Variants in DOCK10 observed in about 807,000 individuals in gnomAD.
DOCK10 encodes the protein dedicator of cytokinesis protein 10.
In DOCK10, 145 loss-of-function variants were observed where a neutral mutation model predicts 280.1. The ratio of observed to expected loss-of-function variants is 0.52; its 90% CI spans 0.45 to 0.59. DOCK10 has a LOEUF of 0.59. DOCK10 is among the 20% of genes least tolerant of loss of function. The pLI is 0.00. For missense variants in DOCK10, 2,368 were observed against 2,651.7 expected, an observed-to-expected ratio of 0.89 and a Z score of 2.35; for synonymous variants, 915 against 942.2, an observed-to-expected ratio of 0.97 and a Z score of 0.53.
intron 27 of DOCK10, among the ~76,000 whole-genome samples, chr2:224,825,973 A>T (rs1426472461): frequency 6.6e-6 from 1 of 152,236 alleles, no homozygotes; most frequent in Admixed American, 6.5e-5. Flanking sequence ...GGATGATGGG[A>T]AACAAAAGGT....
At chr2:224,925,538 T>C (rs1262736538) in intron 2 of DOCK10, among the ~76,000 whole-genome samples, 1 of 152,250 alleles carries the variant, frequency 6.6e-6, no homozygotes, top group Non-Finnish European at 1.5e-5. Flanking sequence ...TGCCCGGTGT[T>C]GAAAGTCTAA....
chr2:224,984,753 G>C (rs1705918753), intron 1 of DOCK10, among the ~76,000 whole-genome samples: 1 of 152,004 alleles, frequency 6.6e-6, no homozygotes, highest in Admixed American at 6.6e-5. Context: ...GTTTTACATA[G>C]CAAATTAAGC....
rs575745849 is a variant in DOCK10, at chr2:224,767,330, A to T, written c.6445-1493T>A. 2.0e-5 allele frequency among the ~76,000 whole-genome samples: 3 copies of T among 152,144 alleles called. No homozygotes were observed. The East Asian group carries it at 5.8e-4, about 29-fold the overall frequency. ...AGGCACCTGCCATTACAGCCAGCTAATTTTTGTATTTTTAGTAGAGATGGG... is the reference window on the plus strand; with the variant it reads ...AGGCACCTGCCATTACAGCCAGCTATTTTTTGTATTTTTAGTAGAGATGGG... On this transcript the variant is annotated intron_variant, in intron 55 of 55. Coordinates refer to ENST00000258390, the MANE Select transcript of DOCK10 (RefSeq NM_014689.3).
At chr2:224,814,391 A>G (rs1341488273) in intron 30 of DOCK10, 27 bp from the exon 31 acceptor site, 16 of 1,345,966 alleles carry the variant, frequency 1.2e-5, no homozygotes, top group Non-Finnish European at 1.6e-5. Context: ...TAAAAAGTTC[A>G]GATATATACA....
At chr2:224,864,302 G>A (rs1186766767) in intron 13 of DOCK10, among the ~76,000 whole-genome samples, 1 of 152,130 alleles carries the variant, frequency 6.6e-6, no homozygotes, top group African/African-American at 2.4e-5. Flanking sequence ...GAAGTCAGGA[G>A]TTCGAGACCA....
chr2:224,923,438 G>A (rs1701878949), intron 2 of DOCK10, among the ~76,000 whole-genome samples: 1 of 152,136 alleles, frequency 6.6e-6, no homozygotes, highest in Non-Finnish European at 1.5e-5. Flanking sequence ...TCTACATATG[G>A]GAAGATGTGA....
At position 224,816,954 on chromosome 2, in the gene DOCK10, G is replaced by C. The variant is rs571218798; in HGVS notation, c.3268-241C>G. 4.4e-3 allele frequency among the ~76,000 whole-genome samples: 668 copies of C among 152,314 alleles called. 1 individual carries two copies. Among genetic ancestry groups the C allele is most frequent in the Non-Finnish European group, 7.7e-3 (523 of 68,026 alleles). On this transcript the variant is annotated intron_variant, in intron 29 of 55. Transcript: ENST00000258390. ...AAATAATCCCATTTGTAACCTACAT[G>C]TAGCTTCTATGAGATAAGATCCTAC...
At position 225,026,753 on chromosome 2, in the gene DOCK10, G is replaced by T. The variant is rs191395545; in HGVS notation, c.123+15499C>A. On this transcript the variant is annotated intron_variant, in intron 1 of 55. Transcript: ENST00000258390. ...TGTGTGAAAGGGTGAAATCACCTAGGGGGGGTTTTGTGGGGAAGGCAGAGA... is the reference window on the plus strand; with the variant it reads ...TGTGTGAAAGGGTGAAATCACCTAGTGGGGGTTTTGTGGGGAAGGCAGAGA... Among the ~76,000 whole-genome samples, 40 of 152,242 alleles carry T rather than the reference G, an allele frequency of 2.6e-4. 1 individual carries two copies. Among genetic ancestry groups the T allele is most frequent in the Admixed American group, 2.4e-3 (36 of 15,298 alleles).
chr2:224,865,100 G>A lies in DOCK10; in HGVS notation c.1258-13C>T. 1 of 1,609,798 alleles carries A rather than the reference G, an allele frequency of 6.2e-7. No individual in the cohort carries two copies. Among genetic ancestry groups the A allele is most frequent in the Non-Finnish European group, 8.5e-7 (1 of 1,177,450 alleles). On this transcript the variant is annotated splice_polypyrimidine_tract_variant and intron_variant, in intron 11 of 55. Transcript: ENST00000258390. ...AAAAAGGCTCAATCTGCATGAAAAA[G>A]AAAGAACAGATGTTTTTGATATAAA...
At chr2:224,916,257 A>G (rs1302170400) in intron 3 of DOCK10, among the ~76,000 whole-genome samples, 1 of 152,054 alleles carries the variant, frequency 6.6e-6, no homozygotes, top group Non-Finnish European at 1.5e-5. Context: ...TTAGCCTGGC[A>G]TGGCCGGACG....
intron 3 of DOCK10, among the ~76,000 whole-genome samples, chr2:224,911,285 T>C (rs1267787347): frequency 6.6e-6 from 1 of 152,150 alleles, no homozygotes; most frequent in Admixed American, 6.5e-5. Flanking sequence ...CAAATTTTGT[T>C]GTCAACTTGT....
rs190070147 is a variant in DOCK10, at chr2:224,902,988, C to T, written c.334-6611G>A. Among the ~76,000 whole-genome samples the T allele has an allele frequency of 5.3e-5, 8 of 151,670 alleles. No individual in the cohort carries two copies. The East Asian group carries it at 9.7e-4, about 18-fold the overall frequency. Reference sequence around the variant, plus strand: ...TGGCAGGCGCCTGTAGTCCCAGCTACTCGGGAGGCTGAGGCGGGAGAACGG... The same window carrying T: ...TGGCAGGCGCCTGTAGTCCCAGCTATTCGGGAGGCTGAGGCGGGAGAACGG... On this transcript the variant is annotated intron_variant, in intron 3 of 55. Coordinates refer to ENST00000258390, the MANE Select transcript of DOCK10 (RefSeq NM_014689.3).
intron 1 of DOCK10, among the ~76,000 whole-genome samples, chr2:224,973,993 T>C (rs1705247323): frequency 1.3e-5 from 2 of 152,196 alleles, no homozygotes; most frequent in Non-Finnish European, 2.9e-5. Flanking sequence ...TGCCACTGCC[T>C]TAGGGGAGGC....
At chr2:224,984,477 CTAT>C (rs1705908223) in intron 1 of DOCK10, among the ~76,000 whole-genome samples, 2 of 152,322 alleles carry the variant, frequency 1.3e-5, no homozygotes, top group African/African-American at 4.8e-5. Context: ...GAATTCACCC[CTAT>C]TATTGACGGG....
At chr2:224,852,209 G>C (rs1057300497) in intron 18 of DOCK10, among the ~76,000 whole-genome samples, 168 bp downstream of exon 18, 4 of 152,164 alleles carry the variant, frequency 2.6e-5, no homozygotes, top group African/African-American at 4.8e-5. Flanking sequence ...ATTTCTAATA[G>C]ATCTAGTTAA....
Position 224,855,036 on chromosome 2 carries a change from G to T in DOCK10, c.1815C>A (p.Asp605Glu), listed in dbSNP as rs776279160. The change falls in exon 16 of 56, where the codon GAC (aspartate) becomes GAA (glutamate). Residue 605 changes from aspartate (D) to glutamate (E), a missense_variant. Asp to Glu is a conservative substitution (Grantham distance 45). Around this residue, in one of 2 missense-constraint regions of DOCK10, gnomAD observed 1,209 missense variants for 1,250.9 expected, o/e 0.97. Coordinates refer to ENST00000258390, the MANE Select transcript of DOCK10 (RefSeq NM_014689.3). Reference sequence around the variant, plus strand: ...GAATGGTCTGCATTTTGCTTATTCTGTCGGCCCTGTAAGAGTGCATGAGCA... The same window carrying T: ...GAATGGTCTGCATTTTGCTTATTCTTTCGGCCCTGTAAGAGTGCATGAGCA... ...VKLVSDYRRADRISKMQTIPG... is the reference protein window; with the variant it reads ...VKLVSDYRRAERISKMQTIPG... 2.1e-5 allele frequency: 33 copies of T among 1,595,856 alleles called. No homozygotes were observed. The highest frequency in any genetic ancestry group is 2.6e-5 in the Non-Finnish European group (31 of 1,172,304).
In DOCK10 at chr2:224,804,219, A is replaced by G. The variant is rs761503071; in HGVS notation, c.4167-6T>C. ...TAAATGCAGCAGCAATTTTTCTGCA[A>G]TGAAAATGGAAGTTTTAATCATAGC... is the stretch of plus-strand genomic sequence containing the variant. On this transcript the variant is annotated splice_polypyrimidine_tract_variant and splice_region_variant and intron_variant, in intron 38 of 55. Transcript: ENST00000258390. 3.2e-6 allele frequency: 5 copies of G among 1,585,886 alleles called. No individual in the cohort carries two copies. The Admixed American group carries it at 6.8e-5, about 22-fold the overall frequency.
chr2:224,925,716 C>T (rs1016124193), intron 2 of DOCK10, among the ~76,000 whole-genome samples: 1 of 152,184 alleles, frequency 6.6e-6, no homozygotes, highest in African/African-American at 2.4e-5. Context: ...ACAGTCTTAC[C>T]AGCTTTCAGA....
rs1559449238 is a variant in DOCK10 at position 224,805,180 on chromosome 2, CA to C, written c.4051+25del. Reference sequence around the variant, plus strand: ...CTGAAGGTTTTCTTTTTCCTTTTTTCAAAAAAATTAAAGAATTCTCTTTACC... The same window carrying C: ...CTGAAGGTTTTCTTTTTCCTTTTTTCAAAAAATTAAAGAATTCTCTTTACC... On this transcript the variant is annotated intron_variant, in intron 36 of 55. Coordinates refer to ENST00000258390, the MANE Select transcript of DOCK10 (RefSeq NM_014689.3). The surrounding 1 kb of genome is among the most constrained non-coding windows in gnomAD (Gnocchi z 4.3). The C allele has an allele frequency of 6.3e-7, 1 of 1,595,330 alleles. No homozygotes were observed. Among genetic ancestry groups the C allele is most frequent in the Non-Finnish European group, 8.5e-7 (1 of 1,174,326 alleles).
Sources: gnomAD v4.1 joint callset for allele counts (sites outside exome capture counted in the v4.1 genomes callset) on GRCh38, gnomAD v4.1.1 for gene constraint, gnomAD v4.1.1 regional missense constraint, Gnocchi (gnomAD v3.1) non-coding constraint, MANE v1.5 for transcripts, NCBI Gene and HGNC (gene_info 2026-07-23, HGNC 2026-07-21) for gene names.